CCDC7: variants seen among roughly 807,000 people sequenced by gnomAD.
CCDC7 encodes coiled-coil domain-containing protein 7.
CCDC7 carries 183 observed loss-of-function variants against 196.9 expected under a neutral mutation model. That is an observed-to-expected ratio of 0.93 (90% CI 0.82 to 1.05). The LOEUF is 1.05. Ranked by LOEUF, CCDC7 falls within the 50% of genes least tolerant of loss-of-function variation. CCDC7 has a pLI of 0.00. For missense variants in CCDC7, 1,540 were observed against 1,482.2 expected, an observed-to-expected ratio of 1.04 and a Z score of -0.64; for synonymous variants, 525 against 484.6, an observed-to-expected ratio of 1.08 and a Z score of -1.10.
chr10:32,563,917 T>C (rs996605903), intron 13 of CCDC7, among the ~76,000 whole-genome samples: 22 of 152,046 alleles, frequency 1.4e-4, no homozygotes, highest in African/African-American at 4.3e-4. Context: ...AAAGGGCTAA[T>C]ATCCAGAATC....
intron 29 of CCDC7, among the ~76,000 whole-genome samples, chr10:32,779,478 T>A (rs1230018375): frequency 6.6e-6 from 1 of 152,212 alleles, no homozygotes; most frequent in East Asian, 1.9e-4. Flanking sequence ...ATATAGGCAA[T>A]ATGGCTGCCT....
At chr10:32,857,939 G>A (rs1046056496) in intron 41 of CCDC7, among the ~76,000 whole-genome samples, 1 of 151,822 alleles carries the variant, frequency 6.6e-6, no homozygotes, top group African/African-American at 2.4e-5. Context: ...AAATGAAAAT[G>A]AAGACATTAT....
chr10:32,595,083 T>A (rs2060183369), intron 18 of CCDC7, among the ~76,000 whole-genome samples: 1 of 152,202 alleles, frequency 6.6e-6, no homozygotes, highest in Non-Finnish European at 1.5e-5. Flanking sequence ...TAGGGAGGAT[T>A]CCCTCTTTTT....
At chr10:32,544,132 T>G in intron 12 of CCDC7, 115 bp from the exon 14 acceptor site, 1 of 845,998 alleles carries the variant, frequency 1.2e-6, no homozygotes, top group Non-Finnish European at 1.8e-6. Flanking sequence ...GAAATATGAA[T>G]TTTTTTAAAA....
At chr10:32,836,425 A>C (rs2092604680) in intron 33 of CCDC7, among the ~76,000 whole-genome samples, 1 of 152,164 alleles carries the variant, frequency 6.6e-6, no homozygotes, top group African/African-American at 2.4e-5. Flanking sequence ...TTTATTCTAA[A>C]ATTCTAGTTC....
intron 9 of CCDC7, chr10:32,514,001 AG>A (rs2046639932): frequency 3.3e-5 from 5 of 152,220 alleles, no homozygotes; most frequent in African/African-American, 1.2e-4. Context: ...ATGGAAGAAA[AG>A]GAAATAAAAG....
In CCDC7 at chr10:32,814,574, T is replaced by C. The variant is rs1333548808; in HGVS notation, c.3181+121T>C. On this transcript the variant is annotated intron_variant, in intron 31 of 41. Transcript: ENST00000639629. ...GAATTATTACATAGGCAAAAGTCTTTATGAATTCCCCTCTATAATATTTCA... is the reference window on the plus strand; with the variant it reads ...GAATTATTACATAGGCAAAAGTCTTCATGAATTCCCCTCTATAATATTTCA... 6.1e-6 allele frequency: 4 copies of C among 650,856 alleles called. No individual in the cohort carries two copies. In the Admixed American group the frequency reaches 1.0e-4, roughly 17 times the overall value. 40.3% of individuals were successfully genotyped at this position (650,856 alleles called of 1,614,324 possible).
At chr10:32,839,747 A>G (rs534908906) in intron 33 of CCDC7, among the ~76,000 whole-genome samples, 9 of 152,132 alleles carry the variant, frequency 5.9e-5, no homozygotes, top group African/African-American at 1.9e-4. Flanking sequence ...AGACCATATG[A>G]CAGGCCACAA....
chr10:32,581,210 T>G (rs921741910), intron 16 of CCDC7, among the ~76,000 whole-genome samples: 12 of 152,168 alleles, frequency 7.9e-5, no homozygotes, highest in African/African-American at 2.7e-4. Flanking sequence ...TATACGGTAG[T>G]ATTTAGACAT....
chr10:32,560,354 C>G (rs897992867), intron 13 of CCDC7, among the ~76,000 whole-genome samples: 3 of 151,980 alleles, frequency 2.0e-5, no homozygotes, highest in Non-Finnish European at 4.4e-5. Context: ...AAGAGCAACT[C>G]CAAGACACAT....
intron 28 of CCDC7, among the ~76,000 whole-genome samples, chr10:32,745,724 A>G (rs749496630): frequency 5.3e-5 from 8 of 152,170 alleles, no homozygotes; most frequent in Non-Finnish European, 8.8e-5. Flanking sequence ...CTCTTCATAT[A>G]AACTTTAGAA....
intron 21 of CCDC7, among the ~76,000 whole-genome samples, chr10:32,666,413 C>CT (rs2072731843): frequency 6.6e-6 from 1 of 151,992 alleles, no homozygotes; most frequent in Admixed American, 6.6e-5. Context: ...TTCTAGGGTA[C>CT]ATGTACACAA....
chr10:32,659,664 G>A (rs1247217853), intron 20 of CCDC7, among the ~76,000 whole-genome samples: 1 of 152,074 alleles, frequency 6.6e-6, no homozygotes, highest in Non-Finnish European at 1.5e-5. Context: ...TAAAAAGTGG[G>A]CAAAAGACAT....
chr10:32,638,047 A>T (rs2065978049), intron 20 of CCDC7, among the ~76,000 whole-genome samples: 1 of 152,130 alleles, frequency 6.6e-6, no homozygotes, highest in Admixed American at 6.6e-5. Context: ...TTATTGGTGT[A>T]TGAGAATGCT....
upstream of CCDC7, among the ~76,000 whole-genome samples, chr10:32,443,776 GCCTT>G (rs2030464687): frequency 6.6e-6 from 1 of 151,354 alleles, no homozygotes; most frequent in Non-Finnish European, 1.5e-5. Flanking sequence ...TTTGGCTCTA[GCCTT>G]TTTCATTTCC....
At chr10:32,479,826 T>C (rs1335745615) in intron 8 of CCDC7, among the ~76,000 whole-genome samples, 2 of 102,990 alleles carry the variant, frequency 1.9e-5, no homozygotes, top group Non-Finnish European at 4.1e-5. Flanking sequence ...AACCACTGGG[T>C]CCTGGTTTTT....
At chr10:32,515,518 A>G (rs1208425640) in intron 9 of CCDC7, among the ~76,000 whole-genome samples, 1 of 152,110 alleles carries the variant, frequency 6.6e-6, no homozygotes. Context: ...TCCCCATGCA[A>G]AAGAACGAGG....
chr10:32,469,675 C>G (rs1241891224), intron 5 of CCDC7, among the ~76,000 whole-genome samples: 2 of 152,174 alleles, frequency 1.3e-5, no homozygotes, highest in Non-Finnish European at 2.9e-5. Context: ...GGAAGCTGCC[C>G]ATAGGAATCT....
chr10:32,689,606 T>C (rs923958887), intron 23 of CCDC7, among the ~76,000 whole-genome samples: 1 of 152,148 alleles, frequency 6.6e-6, no homozygotes, highest in South Asian at 2.1e-4. Flanking sequence ...CTCTAGGGCA[T>C]CCTTTTGGTC....
Sources: allele counts gnomAD v4.1 joint callset (sites outside exome capture counted in the v4.1 genomes callset), GRCh38; gene constraint gnomAD v4.1.1; transcripts MANE v1.5; gene names NCBI Gene and HGNC (gene_info 2026-07-23, HGNC 2026-07-21).